Variants in PACRG observed in about 807,000 individuals in gnomAD.
PACRG encodes the protein parkin coregulated gene protein.
PACRG carries 29 observed loss-of-function variants against 29.7 expected under a neutral mutation model. The observed-to-expected ratio is 0.98, with a 90% CI of 0.73 to 1.33. The LOEUF is 1.33. Ranked by LOEUF, PACRG falls within the 40% of genes most tolerant of loss-of-function variation. PACRG has a pLI of 0.00. For missense variants in PACRG, 279 were observed against 316.2 expected, an observed-to-expected ratio of 0.88 and a Z score of 0.89; for synonymous variants, 116 against 118.7, an observed-to-expected ratio of 0.98 and a Z score of 0.15.
At chr6:163,012,943 A>G (rs1275144119) in intron 2 of PACRG, among the ~76,000 whole-genome samples, 2 of 152,220 alleles carry the variant, frequency 1.3e-5, no homozygotes, top group Admixed American at 1.3e-4. Flanking sequence ...GCCAATATCT[A>G]TACATGGTTA....
At chr6:162,971,919 T>C (rs754979594) in intron 2 of PACRG, among the ~76,000 whole-genome samples, 2 of 152,174 alleles carry the variant, frequency 1.3e-5, no homozygotes, top group Admixed American at 6.5e-5. Context: ...CCTCCTTCCT[T>C]GTGTCTCTTC....
intron 2 of PACRG, among the ~76,000 whole-genome samples, chr6:162,867,232 T>A (rs188086770): frequency 3.3e-5 from 5 of 152,308 alleles, no homozygotes; most frequent in African/African-American, 4.8e-5. Flanking sequence ...TGATCCCTCC[T>A]CTCACATACT....
At chr6:162,836,690 C>G (rs1261294893) in intron 2 of PACRG, among the ~76,000 whole-genome samples, 1 of 152,024 alleles carries the variant, frequency 6.6e-6, no homozygotes, top group Non-Finnish European at 1.5e-5. Context: ...TTAGTCACAT[C>G]CCTTCTTGTT....
intron 2 of PACRG, among the ~76,000 whole-genome samples, chr6:162,950,067 T>C (rs1333982949): frequency 6.6e-6 from 1 of 152,234 alleles, no homozygotes; most frequent in Non-Finnish European, 1.5e-5. Flanking sequence ...TTTAGTGTTT[T>C]TTAAAAAATT....
intron 4 of PACRG, among the ~76,000 whole-genome samples, chr6:163,282,299 C>A (rs1037168841): frequency 6.6e-6 from 1 of 152,098 alleles, no homozygotes; most frequent in African/African-American, 2.4e-5. Context: ...CTCTTAGAGC[C>A]AAAAAGTGAA....
chr6:163,192,938 T>A lies in PACRG; in HGVS notation c.613+103530T>A, dbSNP rs182815462. Among the ~76,000 whole-genome samples, 37 of 152,306 alleles carry A rather than the reference T, an allele frequency of 2.4e-4. No individual in the cohort carries two copies. In the East Asian group the frequency reaches 3.5e-3, roughly 14 times the overall value. ...TCCTTGGATCTCCATTTTTTCCAAA[T>A]GCCCGATACTTCTTACCATTCTACA... On this transcript the variant is annotated intron_variant, in intron 4 of 4. Transcript: ENST00000366888.
At chr6:163,035,501 G>A (rs1808084949) in intron 2 of PACRG, among the ~76,000 whole-genome samples, 1 of 152,148 alleles carries the variant, frequency 6.6e-6, no homozygotes, top group African/African-American at 2.4e-5. Context: ...ACAAAAATTA[G>A]CCAGGTACGG....
Position 162,814,133 on chromosome 6 carries a change from T to TTTC in PACRG, c.157-12_157-11insCTT. 1 of 1,593,352 alleles carries TTTC rather than the reference T, an allele frequency of 6.3e-7. No individual in the cohort carries two copies. The highest frequency in any genetic ancestry group is 1.8e-5 in the Admixed American group (1 of 55,104). On this transcript the variant is annotated splice_polypyrimidine_tract_variant and intron_variant, in intron 1 of 4. Coordinates refer to ENST00000366888, the MANE Select transcript of PACRG (RefSeq NM_001080379.2). ...TCTTAAAACCTGATCCCTATTTTTT[T>TTTC]TTTTCCAATTAAGGTGAGAGGCCCT... is the stretch of plus-strand genomic sequence containing the variant.
chr6:163,310,746 C>T (rs1241976266), intron 4 of PACRG: 1 of 152,174 alleles, frequency 6.6e-6, no homozygotes, highest in East Asian at 1.9e-4. Flanking sequence ...GAGAATACAT[C>T]ATCAGAATCC....
intron 2 of PACRG, among the ~76,000 whole-genome samples, chr6:162,922,387 A>C (rs1428785280): frequency 6.6e-6 from 1 of 151,436 alleles, no homozygotes; most frequent in African/African-American, 2.4e-5. Flanking sequence ...AACCAGAGTA[A>C]TTAGCATCTC....
At chr6:163,292,575 ATTAT>A (rs1554242810) in intron 4 of PACRG, among the ~76,000 whole-genome samples, 162 of 97,962 alleles carry the variant, frequency 1.7e-3, no homozygotes, top group African/African-American at 4.5e-3. Context: ...TAATTTATGT[ATTAT>A]TTATTTATTT....
At chr6:162,860,340 A>T (rs906489821) in intron 2 of PACRG, among the ~76,000 whole-genome samples, 2 of 152,204 alleles carry the variant, frequency 1.3e-5, no homozygotes, top group Non-Finnish European at 2.9e-5. Flanking sequence ...AATGAATTTT[A>T]TATATACTGA....
At chr6:162,876,945 G>A (rs1793405536) in intron 2 of PACRG, among the ~76,000 whole-genome samples, 1 of 152,184 alleles carries the variant, frequency 6.6e-6, no homozygotes, top group South Asian at 2.1e-4. Context: ...AACAGAGGCT[G>A]GAGAGGATGT....
At chr6:163,209,909 G>T (rs916550831) in intron 4 of PACRG, among the ~76,000 whole-genome samples, 2 of 152,146 alleles carry the variant, frequency 1.3e-5, no homozygotes, top group African/African-American at 4.8e-5. Context: ...ACAGTCAATT[G>T]AAATCAACCC....
chr6:163,253,480 T>C (rs1782989192), intron 4 of PACRG, among the ~76,000 whole-genome samples: 1 of 152,180 alleles, frequency 6.6e-6, no homozygotes, highest in South Asian at 2.1e-4. Context: ...CATGTCTAAA[T>C]GTCTGTCTAT....
chr6:163,222,425 C>A (rs189213657), intron 4 of PACRG, among the ~76,000 whole-genome samples: 205 of 152,228 alleles, frequency 1.3e-3, no homozygotes, highest in Non-Finnish European at 2.6e-3. Context: ...ACTAAAAATA[C>A]AAAAATTAGC....
intron 4 of PACRG, among the ~76,000 whole-genome samples, chr6:163,295,398 A>T (rs1457569591): frequency 6.6e-6 from 1 of 152,226 alleles, no homozygotes; most frequent in Non-Finnish European, 1.5e-5. Flanking sequence ...GAGTGCCCTT[A>T]GCAAGGAAGC....
At chr6:163,007,932 C>A (rs758141848) in intron 2 of PACRG, among the ~76,000 whole-genome samples, 5 of 152,100 alleles carry the variant, frequency 3.3e-5, no homozygotes, top group Non-Finnish European at 7.4e-5. Flanking sequence ...CTCAGCTGAG[C>A]CTTCCACTGC....
intron 2 of PACRG, among the ~76,000 whole-genome samples, chr6:162,856,426 A>G (rs1214134957): frequency 6.6e-6 from 1 of 152,174 alleles, no homozygotes; most frequent in Non-Finnish European, 1.5e-5. Flanking sequence ...TTTAATAGTG[A>G]TACATTCAAC....
Sources: gnomAD v4.1 joint callset for allele counts (sites outside exome capture counted in the v4.1 genomes callset) on GRCh38, gnomAD v4.1.1 for gene constraint, MANE v1.5 for transcripts, NCBI Gene and HGNC (gene_info 2026-07-23, HGNC 2026-07-21) for gene names.